POLDIP3: variants seen among roughly 807,000 people sequenced by gnomAD.
POLDIP3 encodes polymerase delta-interacting protein 3.
In POLDIP3, 14 loss-of-function variants were observed where a neutral mutation model predicts 45.1. The ratio of observed to expected loss-of-function variants is 0.31; its 90% confidence interval spans 0.20 to 0.49. The LOEUF is 0.49. POLDIP3 is among the 20% of genes least tolerant of loss of function. The probability of loss-of-function intolerance (pLI) is 0.99; values close to 1 mark genes in which losing one functional copy is unlikely to be tolerated. For missense variants in POLDIP3, 511 were observed against 538.8 expected (o/e 0.95, Z 0.51); for synonymous variants, 223 against 205.2 (o/e 1.09, Z -0.74).
intron 1 of POLDIP3, among the ~76,000 whole-genome samples, chr22:42,605,362 C>T (rs1926656608): frequency 6.6e-6 from 1 of 152,348 alleles, no homozygotes; most frequent in East Asian, 1.9e-4. Context: ...CTCCTGACCT[C>T]GTGATCCGCC....
Position 42,592,040 on chromosome 22 carries a change from G to A in POLDIP3, c.936C>T (p.Val312=), listed in dbSNP as rs1292285331. 1.9e-6 allele frequency: 3 copies of A among 1,614,080 alleles called. No homozygotes were observed. The highest frequency in any genetic ancestry group is 2.5e-6 in the Non-Finnish European group (3 of 1,180,038). ...ACACCACCTCCGCTACCCCAGGATG[G>A]ACCAGTCGAGCTCGCTTGAGGGCCC... ...VCGALKRARL[V]HPGVAEVVFV... Residue 312 remains valine (V), a synonymous_variant, in exon 7 of 9, where the codon GTC becomes GTT. Coordinates refer to ENST00000252115, the MANE Select transcript of POLDIP3 (RefSeq NM_032311.5).
At chr22:42,589,999 A>G (rs1216144935) in intron 7 of POLDIP3, among the ~76,000 whole-genome samples, 1 of 152,132 alleles carries the variant, frequency 6.6e-6, no homozygotes, top group African/African-American at 2.4e-5. Context: ...TATTTTCCTT[A>G]AACACTCATA....
At position 42,591,937 on chromosome 22, in the gene POLDIP3, G is replaced by A; in HGVS notation, c.1021+18C>T. 1.2e-6 allele frequency: 2 copies of A among 1,613,990 alleles called. No homozygotes were observed. ...AGATGAGTGGGAGGGTCAGGGGACT[G>A]CTTTCTCCCTAACTTACCGTCCAGA... On this transcript the variant is annotated intron_variant, in intron 7 of 8. Transcript: ENST00000252115.
At chr22:42,614,721 C>G (rs1253368470) in intron 1 of POLDIP3, 78 bp downstream of exon 1, 6 of 1,519,636 alleles carry the variant, frequency 3.9e-6, no homozygotes, top group Non-Finnish European at 3.6e-6. Context: ...CCGCGTCGCT[C>G]CCGGATCGCT....
rs772086042 is a variant in POLDIP3, at chr22:42,596,270, G to C, written c.729C>G (p.Ser243=). Residue 243 remains serine, a synonymous_variant, in exon 5 of 9, where the codon TCC becomes TCG. Coordinates refer to ENST00000252115, the MANE Select transcript of POLDIP3 (RefSeq NM_032311.5). ...NDAYTAPALP[S]SIRTKALTNM... is the part of the protein sequence containing the mutation. ...TGGTCAAGGCTTTTGTTCGAATAGA[G>C]GAAGGGAGAGCAGGAGCTGTGTATG... 6.2e-7 allele frequency: 1 copy of C among 1,614,210 alleles called. No homozygotes were observed. Among genetic ancestry groups the C allele is most frequent in the East Asian group, 2.2e-5 (1 of 44,896 alleles).
At chr22:42,592,400 A>G (rs1925723921) in intron 6 of POLDIP3, among the ~76,000 whole-genome samples, 1 of 152,356 alleles carries the variant, frequency 6.6e-6, no homozygotes, top group East Asian at 1.9e-4. Flanking sequence ...TTTCGCAAAG[A>G]GCCCTGTCAT....
At chr22:42,604,028 AG>A (rs1461787572) in intron 1 of POLDIP3, among the ~76,000 whole-genome samples, 2 of 152,198 alleles carry the variant, frequency 1.3e-5, no homozygotes, top group African/African-American at 4.8e-5. Context: ...GTGGCTTGAA[AG>A]TGAACAGAAG....
Position 42,585,707 on chromosome 22 carries a change from G to A in POLDIP3, c.*84C>T, listed in dbSNP as rs1046415122. 3.1e-5 allele frequency: 45 copies of A among 1,464,258 alleles called. No homozygotes were observed. The highest frequency in any genetic ancestry group is 2.7e-4 in the African/African-American group (19 of 70,584). The allele number at this position is 1,464,258 out of a possible 1,614,324, so 90.7% of individuals were successfully genotyped here. A position where few individuals can be genotyped will look rare whatever the true frequency, so the allele number is the denominator to read the frequency against. ...TCCCACAATCAGGGGTCTCCAGTCC[G>A]ATGGCCCATTGGTCATAAGCTTTGC... On this transcript the variant is annotated 3_prime_UTR_variant, in exon 9 of 9. Transcript: ENST00000252115.
chr22:42,601,088 C>T (rs1926336485), intron 3 of POLDIP3, among the ~76,000 whole-genome samples: 1 of 151,498 alleles, frequency 6.6e-6, no homozygotes, highest in Non-Finnish European at 1.5e-5. Flanking sequence ...GAGTGAAACC[C>T]TGTATCAAAA....
At position 42,596,231 on chromosome 22, in the gene POLDIP3, T is replaced by C. The variant is rs752007997; in HGVS notation, c.768A>G (p.Thr256=). ...RTKALTNMSR[T]LVNKEEPPKE... ...TGGGGGGTTCTTCCTTGTTCACCAG[T>C]GTCCGGGACATGTTGGTCAAGGCTT... The change falls in exon 5 of 9, where the codon ACA becomes ACG. Residue 256 remains threonine, a synonymous_variant. Transcript: ENST00000252115. 5 of 1,614,200 alleles carry C rather than the reference T, an allele frequency of 3.1e-6. No individual in the cohort carries two copies. In the South Asian group the frequency reaches 4.4e-5, roughly 14 times the overall value.
intron 1 of POLDIP3, chr22:42,603,767 A>C (rs911180566): frequency 1.3e-5 from 2 of 152,412 alleles, no homozygotes; most frequent in African/African-American, 4.8e-5. Flanking sequence ...TAGGAAAGAA[A>C]GAAAAAATTG....
chr22:42,613,892 C>A (rs1358540872), intron 1 of POLDIP3, among the ~76,000 whole-genome samples: 1 of 152,196 alleles, frequency 6.6e-6, no homozygotes, highest in East Asian at 1.9e-4. Flanking sequence ...AACTATTGGG[C>A]AAAGTTCTCA....
Position 42,585,732 on chromosome 22 carries a change from C to CTA in POLDIP3, c.*58_*59insTA. 6.4e-7 allele frequency: 1 copy of CTA among 1,554,574 alleles called. No individual in the cohort carries two copies. Among genetic ancestry groups the CTA allele is most frequent in the Non-Finnish European group, 8.7e-7 (1 of 1,145,892 alleles). ...GATGGCCCATTGGTCATAAGCTTTG[C>CTA]CTTGGGGAAACAGAGCCACCCTCCT... On this transcript the variant is annotated 3_prime_UTR_variant, in exon 9 of 9. Transcript: ENST00000252115.
At chr22:42,592,914 G>A (rs932578780) in intron 6 of POLDIP3, among the ~76,000 whole-genome samples, 1 of 152,182 alleles carries the variant, frequency 6.6e-6, no homozygotes, top group Admixed American at 6.5e-5. Context: ...TGCTGTGAGG[G>A]CCAAAAGAAG....
At chr22:42,587,411 G>T in intron 8 of POLDIP3, 95 bp downstream of exon 8, 1 of 1,245,202 alleles carries the variant, frequency 8.0e-7, no homozygotes, top group South Asian at 1.3e-5. Context: ...GGAATGGGGG[G>T]ATGAAGGGGA....
intron 7 of POLDIP3, 108 bp downstream of exon 7, chr22:42,591,847 A>T: frequency 7.0e-7 from 1 of 1,426,694 alleles, no homozygotes; most frequent in South Asian, 1.3e-5. Flanking sequence ...ACGAGGCCCC[A>T]GAGATGGGTT....
intron 4 of POLDIP3, 105 bp downstream of exon 4, chr22:42,599,593 G>T: frequency 1.2e-6 from 1 of 833,484 alleles, no homozygotes; most frequent in Non-Finnish European, 2.0e-6. Context: ...GGGGAGAAGA[G>T]CGAGATGTCG....
chr22:42,588,311 T>C (rs1187414893), intron 7 of POLDIP3, among the ~76,000 whole-genome samples: 1 of 151,704 alleles, frequency 6.6e-6, no homozygotes, highest in African/African-American at 2.4e-5. Context: ...AAAAATTAGC[T>C]GGGTGTGGTG....
intron 4 of POLDIP3, 119 bp from the exon 5 acceptor site, chr22:42,596,484 C>G: frequency 5.9e-6 from 6 of 1,009,588 alleles, no homozygotes; most frequent in Non-Finnish European, 7.2e-6. Flanking sequence ...CTCTCTAATT[C>G]TATTAGAGGT....
Sources: gnomAD v4.1 joint callset for allele counts (sites outside exome capture counted in the v4.1 genomes callset) on GRCh38, gnomAD v4.1.1 for gene constraint, MANE v1.5 for transcripts, NCBI Gene and HGNC (gene_info 2026-07-23, HGNC 2026-07-21) for gene names.